The following ACSM5 variants were observed in gnomAD, a reference collection of about 807,000 sequenced individuals.
The protein encoded by ACSM5 is acyl-coenzyme A synthetase ACSM5, mitochondrial.
Under a neutral mutation model 71.6 loss-of-function variants are expected in ACSM5, and 56 were observed. The observed-to-expected ratio is 0.78, with a 90% CI of 0.63 to 0.98. The LOEUF (loss-of-function observed/expected upper bound fraction) is 0.98. Among genes scored for constraint, ACSM5 ranks in the 50% least tolerant of loss-of-function variants. The pLI, the probability that ACSM5 is intolerant of heterozygous loss-of-function variation, is 0.00. For synonymous variants in ACSM5, 285 were observed against 281.5 expected (o/e 1.01, Z -0.12); for missense variants, 723 against 726.0 (o/e 1.00, Z 0.05).
intron 5 of ACSM5, among the ~76,000 whole-genome samples, chr16:20,422,666 C>T (rs895245016): frequency 6.6e-6 from 1 of 152,074 alleles, no homozygotes; most frequent in Non-Finnish European, 1.5e-5. Flanking sequence ...TTTAAAGGCT[C>T]ACTCAGGATG....
At position 20,419,409 on chromosome 16, in the gene ACSM5, C is replaced by A. The variant is rs1346539379; in HGVS notation, c.597C>A (p.Gly199=). ...TGGTGTCAGACAGCAGTCGGCCAGG[C>A]TGGTTGAACTTCAGGGAACTCCTCC... ...KLLVSDSSRP[G]WLNFRELLRE... is the part of the protein sequence containing the mutation. The change falls in exon 4 of 14, where the codon GGC becomes GGA. Residue 199 remains glycine (G), a synonymous_variant. Coordinates refer to ENST00000331849, the MANE Select transcript of ACSM5 (RefSeq NM_017888.3). 1.2e-6 allele frequency: 2 copies of A among 1,614,096 alleles called. No homozygotes were observed. The highest frequency in any genetic ancestry group is 1.7e-6 in the Non-Finnish European group (2 of 1,180,032).
Position 20,412,485 on chromosome 16 carries a change from T to G in ACSM5, c.204+797T>G, listed in dbSNP as rs1289933017. ...ACCCTGATTTCTTTGTGTGTCTCTG[T>G]GCATCTGCTTTCTTCTTTATTTTCC... On this transcript the variant is annotated intron_variant, in intron 2 of 13. Transcript: ENST00000331849. Among the ~76,000 whole-genome samples the G allele has an allele frequency of 3.9e-5, 6 of 152,270 alleles. No homozygotes were observed. The East Asian group carries it at 1.2e-3, about 29-fold the overall frequency.
intron 4 of ACSM5, 46 bp from the exon 5 acceptor site, chr16:20,421,212 C>A: frequency 6.6e-7 from 1 of 1,515,354 alleles, no homozygotes; most frequent in Non-Finnish European, 8.9e-7. Flanking sequence ...GTGCTACTAA[C>A]TGTTTTTACC....
Position 20,418,231 on chromosome 16 carries a change from C to T in ACSM5, c.377C>T (p.Pro126Leu), listed in dbSNP as rs139506137. The change falls in exon 3 of 14, where the codon CCG (proline) becomes CTG (leucine). Residue 126 changes from proline to leucine, a missense_variant. By Grantham distance (98) the Pro-to-Leu change is moderately conservative. Coordinates refer to ENST00000331849, the MANE Select transcript of ACSM5 (RefSeq NM_017888.3). ...ATGATGCTGGTACTCCCACGGCTCC[C>T]GGAGTGGTGGCTGGTCAGTGTGGCT... ...DRMMLVLPRL[P>L]EWWLVSVACM... 2,834 of 1,612,140 alleles carry T rather than the reference C, an allele frequency of 1.8e-3. 6 individuals are homozygous for T. The highest frequency in any genetic ancestry group is 2.1e-3 in the Non-Finnish European group (2,489 of 1,179,770).
Position 20,440,675 on chromosome 16 carries a change from G to T in ACSM5, c.*248G>T, listed in dbSNP as rs1481000134. ...TGGTTCGACTTCTCCCTCTGTCTGG[G>T]GGCAGGCTCAGCATCTGCCCACTGG... is the stretch of plus-strand genomic sequence containing the variant. On this transcript the variant is annotated 3_prime_UTR_variant, in exon 14 of 14. Coordinates refer to ENST00000331849, the MANE Select transcript of ACSM5 (RefSeq NM_017888.3). 6.8e-6 allele frequency: 3 copies of T among 438,848 alleles called. No individual in the cohort carries two copies. The highest frequency in any genetic ancestry group is 4.0e-5 in the African/African-American group (2 of 50,504). The allele number at this position is 438,848 out of a possible 1,614,324, so 27.2% of individuals were successfully genotyped here.
rs1464944758 is a variant in ACSM5, at chr16:20,431,318, T to C, written c.1305T>C (p.Tyr435=). 2.0e-5 allele frequency: 32 copies of C among 1,613,380 alleles called. No individual in the cohort carries two copies. Among genetic ancestry groups the C allele is most frequent in the Non-Finnish European group, 2.7e-5 (32 of 1,179,270 alleles). The change falls in exon 10 of 14, where the codon TAT becomes TAC. Residue 435 remains tyrosine (Y), a synonymous_variant. Coordinates refer to ENST00000331849, the MANE Select transcript of ACSM5 (RefSeq NM_017888.3). The stretch of plus-strand genomic sequence containing the variant: ...GGCCCTTCTGTTTCTTCAATTGCTA[T>C]TTGGTAAGAGACGGGGAACAGCCGT... ...PTRPFCFFNC[Y]LDNPEKTAAS...
At chr16:20,439,423 C>T (rs572199885) in intron 12 of ACSM5, among the ~76,000 whole-genome samples, 21 of 151,404 alleles carry the variant, frequency 1.4e-4, no homozygotes, top group South Asian at 4.2e-4. Context: ...CAAACTCATG[C>T]CTACCTACCT....
At chr16:20,426,922 G>A (rs1369518494) in intron 6 of ACSM5, among the ~76,000 whole-genome samples, 2 of 152,044 alleles carry the variant, frequency 1.3e-5, no homozygotes, top group African/African-American at 2.4e-5. Context: ...CCTATGTTGT[G>A]TGTATTTTGC....
Position 20,421,051 on chromosome 16 carries a change from G to A in ACSM5, c.624-207G>A, listed in dbSNP as rs1966876410. 3 of 436,332 alleles carry A rather than the reference G, an allele frequency of 6.9e-6. No homozygotes were observed. In the East Asian group the frequency reaches 1.2e-4, roughly 17 times the overall value. The allele number at this position is 436,332 out of a possible 1,614,324, so 27.0% of individuals were successfully genotyped here. A position where few individuals can be genotyped will look rare whatever the true frequency, so the allele number is the denominator to read the frequency against. On this transcript the variant is annotated intron_variant, in intron 4 of 13. Transcript: ENST00000331849. ...TTTGCGTGAATTATTTATCTATTTTGAGCCTCAGTTTCCTGGTCTGCAAAA... is the reference window on the plus strand; with the variant it reads ...TTTGCGTGAATTATTTATCTATTTTAAGCCTCAGTTTCCTGGTCTGCAAAA...
At chr16:20,421,158 G>C in intron 4 of ACSM5, 100 bp from the exon 5 acceptor site, 1 of 1,399,720 alleles carries the variant, frequency 7.1e-7, no homozygotes. Flanking sequence ...CTCACATGTG[G>C]TATTTATGAA....
At chr16:20,425,676 A>G (rs1325904920) in intron 6 of ACSM5, among the ~76,000 whole-genome samples, 1 of 152,134 alleles carries the variant, frequency 6.6e-6, no homozygotes. Context: ...GAGAACATAA[A>G]ATATTTGGTT....
rs768006269 is a variant in ACSM5 at position 20,437,363 on chromosome 16, G to A, written c.1532G>A (p.Gly511Glu). The A allele has an allele frequency of 1.2e-6, 2 of 1,611,766 alleles. No homozygotes were observed. Among genetic ancestry groups the A allele is most frequent in the Non-Finnish European group, 1.7e-6 (2 of 1,178,124 alleles). ...AVVSSPDPIR[G>E]EVVKAFIVLT... ...GTCAGCAGCCCAGACCCCATCAGGGGAGAGGTAACCAGTGCACCCAAGAAC... is the reference window on the plus strand; with the variant it reads ...GTCAGCAGCCCAGACCCCATCAGGGAAGAGGTAACCAGTGCACCCAAGAAC... Residue 511 changes from glycine to glutamate, a missense_variant, in exon 12 of 14, where the codon GGA becomes GAA. By Grantham distance (98) the Gly-to-Glu change is moderately conservative. Coordinates refer to ENST00000331849, the MANE Select transcript of ACSM5 (RefSeq NM_017888.3).
chr16:20,421,935 C>G (rs1468735953), intron 5 of ACSM5, among the ~76,000 whole-genome samples: 1 of 151,654 alleles, frequency 6.6e-6, no homozygotes, highest in Non-Finnish European at 1.5e-5. Context: ...CTAGGTATTT[C>G]GTGTAACTGG....
chr16:20,419,403 GC>G lies in ACSM5; in HGVS notation c.593del (p.Pro198GlnfsTer4). The G allele has an allele frequency of 6.2e-7, 1 of 1,614,202 alleles. No individual in the cohort carries two copies. The highest frequency in any genetic ancestry group is 8.5e-7 in the Non-Finnish European group (1 of 1,180,026). ...AGCTGCTGGTGTCAGACAGCAGTCG[GC>G]CAGGCTGGTTGAACTTCAGGGAACT... is the stretch of plus-strand genomic sequence containing the variant. ...TKLLVSDSSR[P>X]GWLNFRELLR... On this transcript the variant is annotated frameshift_variant, in exon 4 of 14. Coordinates refer to ENST00000331849, the MANE Select transcript of ACSM5 (RefSeq NM_017888.3). LOFTEE classifies it high-confidence loss of function.
At chr16:20,430,065 C>A (rs115390725) in intron 8 of ACSM5, among the ~76,000 whole-genome samples, 1,999 of 151,898 alleles carry the variant, frequency 0.013, 49 homozygotes, top group African/African-American at 0.046. Context: ...AGAGGAGGGG[C>A]GTGAAGGTAA....
At chr16:20,437,792 C>A (rs1338815605) in intron 12 of ACSM5, among the ~76,000 whole-genome samples, 1 of 150,580 alleles carries the variant, frequency 6.6e-6, no homozygotes, top group Non-Finnish European at 1.5e-5. Flanking sequence ...GAAAGATGGG[C>A]CAAATTTAAT....
intron 2 of ACSM5, chr16:20,412,212 G>T (rs112067374): frequency 0.026 from 4,132 of 157,972 alleles, 67 homozygotes; most frequent in East Asian, 0.048. Flanking sequence ...AATTACCCAG[G>T]CATGGTGGCG....
chr16:20,419,505 G>A lies in ACSM5; in HGVS notation c.623+70G>A, dbSNP rs963497738. 6.9e-6 allele frequency: 10 copies of A among 1,457,374 alleles called. No homozygotes were observed. The African/African-American group carries it at 7.0e-5, about 10-fold the overall frequency. The allele number at this position is 1,457,374 out of a possible 1,614,324, so 90.3% of individuals were successfully genotyped here. A position where few individuals can be genotyped will look rare whatever the true frequency, so the allele number is the denominator to read the frequency against. On this transcript the variant is annotated intron_variant, in intron 4 of 13. Transcript: ENST00000331849. ...CCCTTTAAGCAACAAAAGATGAAAT[G>A]CATTGCTGATTCCACACATAGAGAG...
chr16:20,416,000 G>A (rs912794239), intron 2 of ACSM5, among the ~76,000 whole-genome samples: 3 of 151,954 alleles, frequency 2.0e-5, no homozygotes, highest in Admixed American at 6.6e-5. Flanking sequence ...CAAAAAGAAC[G>A]AAATACATAT....
Sources: allele counts gnomAD v4.1 joint callset (sites outside exome capture counted in the v4.1 genomes callset), GRCh38; gene constraint gnomAD v4.1.1; transcripts MANE v1.5; gene names NCBI Gene and HGNC (gene_info 2026-07-23, HGNC 2026-07-21).